The following NAP1L4 variants were observed in gnomAD, a reference collection of about 807,000 sequenced individuals.
The protein encoded by NAP1L4 is nucleosome assembly protein 1-like 4.
NAP1L4 carries 15 observed loss-of-function variants against 58.2 expected under a neutral mutation model. The ratio of observed to expected loss-of-function variants is 0.26; its 90% confidence interval spans 0.17 to 0.40. The LOEUF (loss-of-function observed/expected upper bound fraction) is 0.40, where lower values mean the gene tolerates loss of function less well. Among genes scored for constraint, NAP1L4 ranks in the 10% least tolerant of loss-of-function variants. NAP1L4 has a pLI of 1.00. For missense variants in NAP1L4, 384 were observed against 451.1 expected, an observed-to-expected ratio of 0.85 and a Z score of 1.35; for synonymous variants, 171 against 155.6, an observed-to-expected ratio of 1.10 and a Z score of -0.74.
chr11:2,962,635 T>C (rs1012990363), intron 8 of NAP1L4, among the ~76,000 whole-genome samples: 1 of 152,100 alleles, frequency 6.6e-6, no homozygotes, highest in African/African-American at 2.4e-5. Context: ...GCCTGTATTT[T>C]CTACATATGA....
At chr11:2,984,714 T>C (rs1848525054) in intron 1 of NAP1L4, among the ~76,000 whole-genome samples, 1 of 152,230 alleles carries the variant, frequency 6.6e-6, no homozygotes, top group African/African-American at 2.4e-5. Context: ...AACCTTCCTC[T>C]GGACCTCAGT....
At chr11:2,987,503 C>T (rs990124420) in intron 1 of NAP1L4, among the ~76,000 whole-genome samples, 1 of 151,018 alleles carries the variant, frequency 6.6e-6, no homozygotes, top group African/African-American at 2.4e-5. Flanking sequence ...CGCCTGTAAT[C>T]CCAGCACTTT....
chr11:2,979,115 A>T, intron 2 of NAP1L4, 92 bp downstream of exon 2: 6 of 1,322,086 alleles, frequency 4.5e-6, no homozygotes, highest in Non-Finnish European at 6.4e-6. Context: ...AATGCATTTA[A>T]CTTTGATTCT....
At chr11:2,986,261 C>T (rs1405543223) in intron 1 of NAP1L4, among the ~76,000 whole-genome samples, 2 of 151,926 alleles carry the variant, frequency 1.3e-5, no homozygotes, top group African/African-American at 2.4e-5. Flanking sequence ...GAGGTCCCAG[C>T]TACTCAGGAG....
At chr11:2,981,464 G>A (rs937065948) in intron 1 of NAP1L4, among the ~76,000 whole-genome samples, 7 of 137,024 alleles carry the variant, frequency 5.1e-5, no homozygotes, top group Non-Finnish European at 9.4e-5. Flanking sequence ...ACCCTACAAT[G>A]GCTGGCTATG....
intron 4 of NAP1L4, among the ~76,000 whole-genome samples, chr11:2,975,780 C>T (rs1276701055): frequency 1.3e-5 from 2 of 152,052 alleles, no homozygotes; most frequent in African/African-American, 4.8e-5. Context: ...TAGCCCTCCA[C>T]AGGATGGCAC....
At chr11:2,981,459 A>AC (rs1271820177) in intron 1 of NAP1L4, among the ~76,000 whole-genome samples, 1 of 149,688 alleles carries the variant, frequency 6.7e-6, no homozygotes, top group Admixed American at 6.7e-5. Flanking sequence ...AATAAACCCT[A>AC]CAATGGCTGG....
intron 1 of NAP1L4, among the ~76,000 whole-genome samples, chr11:2,980,617 C>A (rs1394846456): frequency 6.6e-6 from 1 of 152,112 alleles, no homozygotes; most frequent in Non-Finnish European, 1.5e-5. Context: ...GGAAATACAC[C>A]TGAGGGCCTC....
intron 1 of NAP1L4, among the ~76,000 whole-genome samples, chr11:2,984,059 TG>T (rs960883103): frequency 1.2e-4 from 18 of 147,448 alleles, no homozygotes; most frequent in African/African-American, 4.5e-4. Context: ...CTTGAGTGGC[TG>T]AGACAGAAGC....
At chr11:2,972,019 G>C (rs1690960840) in intron 5 of NAP1L4, 83 bp downstream of exon 5, 2 of 1,371,432 alleles carry the variant, frequency 1.5e-6, no homozygotes, top group Non-Finnish European at 9.7e-7. Context: ...CCTAGATGTT[G>C]TCAACTTATA....
chr11:2,972,224 T>C lies in NAP1L4; in HGVS notation c.193A>G (p.Arg65Gly), dbSNP rs1847677317. ...AGTTGTTTCAATGCATTAATTCTTC[T>C]TTTTACTGCTTTAGGTAAACTAAAA... ...YIETLPKAVK[R>G]RINALKQLQV... Residue 65 changes from arginine (R) to glycine (G), a missense_variant, in exon 5 of 16, where the codon AGA becomes GGA. This residue lies in a region of NAP1L4 where 4 missense variants were observed against 16.7 expected (regional missense o/e 0.24). Coordinates refer to ENST00000380542, the MANE Select transcript of NAP1L4 (RefSeq NM_005969.4). The C allele has an allele frequency of 6.2e-7, 1 of 1,609,732 alleles. No individual in the cohort carries two copies. Among genetic ancestry groups the C allele is most frequent in the Non-Finnish European group, 8.5e-7 (1 of 1,178,844 alleles).
chr11:2,948,719 C>G lies in NAP1L4; in HGVS notation c.*32+508G>C, dbSNP rs1433906228. On this transcript the variant is annotated intron_variant, in intron 15 of 15. Transcript: ENST00000380542. This position sits in a 1 kb window ranked among gnomAD's most constrained non-coding sequence, Gnocchi z 5.1. ...ATGTTTCAGATAAAAAATGCTGGCA[C>G]AGTAAAAGCTGTTACCCCTCTGTGT... Among the ~76,000 whole-genome samples, 1 of 152,236 alleles carries G rather than the reference C, an allele frequency of 6.6e-6. No individual in the cohort carries two copies. Among genetic ancestry groups the G allele is most frequent in the Non-Finnish European group, 1.5e-5 (1 of 68,040 alleles).
At chr11:2,991,923 A>G (rs1261667014) in intron 1 of NAP1L4, 3 of 151,640 alleles carry the variant, frequency 2.0e-5, no homozygotes, top group Non-Finnish European at 4.4e-5. Context: ...CGCCTCCTCC[A>G]AGGGGCCGCC....
Position 2,951,397 on chromosome 11 carries a change from A to G in NAP1L4, c.1066-82T>C, listed in dbSNP as rs1846221186. 1 of 1,175,472 alleles carries G rather than the reference A, an allele frequency of 8.5e-7. No individual in the cohort carries two copies. Among genetic ancestry groups the G allele is most frequent in the Non-Finnish European group, 1.3e-6 (1 of 783,092 alleles). 72.8% of individuals were successfully genotyped at this position (1,175,472 alleles called of 1,614,324 possible). A position where few individuals can be genotyped will look rare whatever the true frequency, so the allele number is the denominator to read the frequency against. On this transcript the variant is annotated intron_variant, in intron 13 of 15. Transcript: ENST00000380542. The surrounding 1 kb of genome is among the most constrained non-coding windows in gnomAD (Gnocchi z 4.0). ...TCACAATCCACAAACACAAGGAGCA[A>G]AACACTGCCTTAGATGGAAATCAAT...
chr11:2,985,863 T>C lies in NAP1L4; in HGVS notation c.-18+6391A>G, dbSNP rs138384624. Among the ~76,000 whole-genome samples, 300 of 152,306 alleles carry C rather than the reference T, an allele frequency of 2.0e-3. 1 individual carries two copies. The highest frequency in any genetic ancestry group is 6.5e-3 in the African/African-American group (271 of 41,564). On this transcript the variant is annotated intron_variant, in intron 1 of 15. Transcript: ENST00000380542. ...GGCAAGCAAATTTTCACCCAGTTAA[T>C]TGGGTCGAGGAAAAATAAAATAAAA... is the stretch of plus-strand genomic sequence containing the variant.
At chr11:2,969,637 C>T (rs1270701706) in intron 7 of NAP1L4, among the ~76,000 whole-genome samples, 166 bp downstream of exon 7, 1 of 152,144 alleles carries the variant, frequency 6.6e-6, no homozygotes, top group Admixed American at 6.5e-5. Context: ...ATAAACCATT[C>T]ACTGTGAGAT....
intron 7 of NAP1L4, among the ~76,000 whole-genome samples, chr11:2,966,941 C>T (rs542451096): frequency 6.6e-6 from 1 of 152,238 alleles, no homozygotes; most frequent in African/African-American, 2.4e-5. Context: ...ATGCCCCACA[C>T]TGGCAGACGC....
rs1032457764 is a variant in NAP1L4, at chr11:2,949,408, A to C, written c.1123-144T>G. The C allele has an allele frequency of 2.9e-6, 2 of 692,746 alleles. No individual in the cohort carries two copies. Among genetic ancestry groups the C allele is most frequent in the South Asian group, 3.3e-5 (2 of 60,910 alleles). 42.9% of individuals were successfully genotyped at this position (692,746 alleles called of 1,614,324 possible). A position where few individuals can be genotyped will look rare whatever the true frequency, so the allele number is the denominator to read the frequency against. On this transcript the variant is annotated intron_variant, in intron 14 of 15. Transcript: ENST00000380542. This position sits in a 1 kb window ranked among gnomAD's most constrained non-coding sequence, Gnocchi z 4.0. ...ACTCGGGGTGAACAACTTCAACACTAGATCATACTTTCAAAATGGGCAGAA... is the reference window on the plus strand; with the variant it reads ...ACTCGGGGTGAACAACTTCAACACTCGATCATACTTTCAAAATGGGCAGAA...
rs1365463454 is a variant in NAP1L4, at chr11:2,946,904, G to C, written c.*33-1258C>G. On this transcript the variant is annotated intron_variant, in intron 15 of 15. Transcript: ENST00000380542. This position sits in a 1 kb window ranked among gnomAD's most constrained non-coding sequence, Gnocchi z 4.8. ...GGCCTTAGGAGTGTGGGGGATGCAG[G>C]GCGCCCCGAGCAGGAGCAGTGAGGG... is the stretch of plus-strand genomic sequence containing the variant. Among the ~76,000 whole-genome samples the C allele has an allele frequency of 6.6e-6, 1 of 152,114 alleles. No individual in the cohort carries two copies. The highest frequency in any genetic ancestry group is 2.4e-5 in the African/African-American group (1 of 41,414).
Sources: allele counts gnomAD v4.1 joint callset (sites outside exome capture counted in the v4.1 genomes callset), GRCh38; gene constraint gnomAD v4.1.1; regional missense constraint gnomAD v4.1.1; non-coding constraint Gnocchi (gnomAD v3.1); transcripts MANE v1.5; gene names NCBI Gene and HGNC (gene_info 2026-07-23, HGNC 2026-07-21).